The following PTPRD variants were observed in gnomAD, a reference collection of about 807,000 sequenced individuals.
The protein encoded by PTPRD is protein tyrosine phosphatase receptor type D.
Under a neutral mutation model 214.5 loss-of-function variants are expected in PTPRD, and 34 were observed. The observed-to-expected ratio is 0.16, with a 90% CI of 0.12 to 0.21. PTPRD has a LOEUF of 0.21. PTPRD is among the 10% of genes least tolerant of loss of function. The probability of loss-of-function intolerance (pLI) is 1.00; values close to 1 mark genes in which losing one functional copy is unlikely to be tolerated. For missense variants in PTPRD, 2,545 were observed against 2,398.7 expected (o/e 1.06, Z -1.27); for synonymous variants, 1,128 against 845.7 (o/e 1.33, Z -5.79).
At chr9:8,941,753 T>C (rs901088062) in intron 11 of PTPRD, among the ~76,000 whole-genome samples, 2 of 152,070 alleles carry the variant, frequency 1.3e-5, no homozygotes, top group Non-Finnish European at 2.9e-5. Context: ...ATCAAGGGCT[T>C]TTAAGTAGTT....
intron 14 of PTPRD, among the ~76,000 whole-genome samples, chr9:8,583,284 G>A (rs1031657879): frequency 6.8e-6 from 1 of 146,186 alleles, no homozygotes; most frequent in African/African-American, 2.7e-5. Context: ...ACAGGCCAGA[G>A]ACCAGTAATG....
chr9:8,470,162 G>A (rs368912352), intron 31 of PTPRD, among the ~76,000 whole-genome samples: 1 of 152,082 alleles, frequency 6.6e-6, no homozygotes, highest in African/African-American at 2.4e-5. Flanking sequence ...ACAGCATCAT[G>A]TTAAAATAAC....
At chr9:9,265,689 CA>C (rs971283928) in intron 9 of PTPRD, among the ~76,000 whole-genome samples, 2 of 148,450 alleles carry the variant, frequency 1.3e-5, no homozygotes, top group East Asian at 2.0e-4. Context: ...CTCAGATTAA[CA>C]AAAAAAAGCA....
chr9:8,321,485 G>GCATA (rs1827717217), intron 44 of PTPRD, among the ~76,000 whole-genome samples: 1 of 45,402 alleles, frequency 2.2e-5, no homozygotes, highest in Non-Finnish European at 3.7e-5. Context: ...GTGTGTGTGT[G>GCATA]TGTATATATA....
intron 11 of PTPRD, among the ~76,000 whole-genome samples, chr9:8,960,620 T>C (rs1300093995): frequency 1.3e-5 from 2 of 152,130 alleles, no homozygotes; most frequent in Admixed American, 6.6e-5. Flanking sequence ...CCTAGCTCCA[T>C]TTTAAAGATC....
At chr9:8,666,255 C>T (rs1276655886) in intron 12 of PTPRD, among the ~76,000 whole-genome samples, 1 of 152,138 alleles carries the variant, frequency 6.6e-6, no homozygotes, top group Non-Finnish European at 1.5e-5. Flanking sequence ...GAACCTACAA[C>T]TAAAATGCTG....
intron 8 of PTPRD, among the ~76,000 whole-genome samples, chr9:9,529,579 C>T (rs1590844541): frequency 6.6e-6 from 1 of 151,962 alleles, no homozygotes; most frequent in Non-Finnish European, 1.5e-5. Flanking sequence ...CAGAAAATCA[C>T]AGTAAGATAG....
intron 14 of PTPRD, among the ~76,000 whole-genome samples, chr9:8,603,380 T>C (rs1017877204): frequency 2.6e-5 from 4 of 152,180 alleles, no homozygotes; most frequent in Non-Finnish European, 5.9e-5. Flanking sequence ...ACTCTTGGTG[T>C]GAGTAGAAAG....
intron 10 of PTPRD, among the ~76,000 whole-genome samples, chr9:9,062,508 A>C (rs1380598936): frequency 6.6e-6 from 1 of 152,106 alleles, no homozygotes; most frequent in Non-Finnish European, 1.5e-5. Context: ...AAAAACAGGC[A>C]TTATCTTTTC....
At chr9:9,348,656 T>C (rs1037971883) in intron 9 of PTPRD, among the ~76,000 whole-genome samples, 3 of 152,138 alleles carry the variant, frequency 2.0e-5, no homozygotes, top group African/African-American at 4.8e-5. Flanking sequence ...CCAAGTACAA[T>C]GTCTAGTAAG....
At chr9:9,800,915 C>G (rs1167529769) in intron 5 of PTPRD, among the ~76,000 whole-genome samples, 1 of 152,140 alleles carries the variant, frequency 6.6e-6, no homozygotes, top group African/African-American at 2.4e-5. Context: ...ATTTACATCT[C>G]TGAAGGAGAT....
rs573766672 is a variant in PTPRD, at chr9:10,570,260, C to T, written c.-600+42138G>A. Reference sequence around the variant, plus strand: ...AGGATATCCATCTTGTTTGACCATTCAAGTAATAATACATTATCAGACTAA... The same window carrying T: ...AGGATATCCATCTTGTTTGACCATTTAAGTAATAATACATTATCAGACTAA... On this transcript the variant is annotated intron_variant, in intron 2 of 45. Transcript: ENST00000381196. Among the ~76,000 whole-genome samples the T allele has an allele frequency of 1.6e-4, 25 of 152,114 alleles. No individual in the cohort carries two copies. In the South Asian group the frequency reaches 4.8e-3, roughly 29 times the overall value.
At chr9:9,534,165 T>C (rs1211404991) in intron 8 of PTPRD, among the ~76,000 whole-genome samples, 1 of 152,096 alleles carries the variant, frequency 6.6e-6, no homozygotes, top group Non-Finnish European at 1.5e-5. Flanking sequence ...TTGTTTTGTC[T>C]AGTAAGGAAG....
intron 4 of PTPRD, among the ~76,000 whole-genome samples, chr9:10,012,302 G>A (rs932210908): frequency 6.6e-6 from 1 of 151,612 alleles, no homozygotes. Flanking sequence ...AGGGGGTAGG[G>A]TCGGTGGAAG....
chr9:8,744,567 T>C (rs1052389419), intron 11 of PTPRD, among the ~76,000 whole-genome samples: 1 of 152,212 alleles, frequency 6.6e-6, no homozygotes, highest in Non-Finnish European at 1.5e-5. Context: ...AAACATTGCA[T>C]GTTCTCCCTC....
At chr9:9,721,032 G>A (rs879526205) in intron 7 of PTPRD, among the ~76,000 whole-genome samples, 1 of 152,008 alleles carries the variant, frequency 6.6e-6, no homozygotes, top group Admixed American at 6.6e-5. Flanking sequence ...ATAACTGTTG[G>A]GTACGAGGCT....
chr9:8,321,344 T>C (rs765672472), intron 44 of PTPRD, among the ~76,000 whole-genome samples: 7 of 151,402 alleles, frequency 4.6e-5, no homozygotes, highest in Non-Finnish European at 7.4e-5. Context: ...AGAACAGACA[T>C]TGGACTCACA....
At chr9:9,937,313 A>C (rs970592587) in intron 5 of PTPRD, among the ~76,000 whole-genome samples, 2 of 151,680 alleles carry the variant, frequency 1.3e-5, no homozygotes, top group Non-Finnish European at 2.9e-5. Flanking sequence ...CATAAAAGTT[A>C]TCTTATAAAG....
intron 7 of PTPRD, among the ~76,000 whole-genome samples, chr9:9,584,205 T>A (rs960245384): frequency 3.3e-5 from 5 of 151,818 alleles, no homozygotes; most frequent in South Asian, 4.1e-4. Flanking sequence ...CAGAAATAGT[T>A]TATATATATG....
Sources: gnomAD v4.1 joint callset for allele counts (sites outside exome capture counted in the v4.1 genomes callset) on GRCh38, gnomAD v4.1.1 for gene constraint, MANE v1.5 for transcripts, NCBI Gene and HGNC (gene_info 2026-07-23, HGNC 2026-07-21) for gene names.